Variants in CC2D1B observed in about 807,000 individuals in gnomAD.
CC2D1B encodes the protein coiled-coil and C2 domain containing 1B, also known as coiled-coil and C2 domain-containing protein 1B.
A neutral mutation model predicts 110.8 loss-of-function variants in CC2D1B; 92 were observed. The ratio of observed to expected loss-of-function variants is 0.83; its 90% CI spans 0.70 to 0.99. The LOEUF (loss-of-function observed/expected upper bound fraction) is 0.99, where lower values mean the gene tolerates loss of function less well. Ranked by LOEUF, CC2D1B falls within the 50% of genes least tolerant of loss-of-function variation. The pLI is 0.00. For missense variants in CC2D1B, 1,136 were observed against 1,089.0 expected (o/e 1.04, Z -0.61); for synonymous variants, 406 against 429.2 (o/e 0.95, Z 0.67).
chr1:52,356,998 G>C lies in CC2D1B; in HGVS notation c.1878+3C>G. 5.8e-6 allele frequency: 9 copies of C among 1,552,666 alleles called. No homozygotes were observed. Among genetic ancestry groups the C allele is most frequent in the Non-Finnish European group, 7.8e-6 (9 of 1,147,704 alleles). ...GGGAGGAACAGACGAGGGGCCTGCT[G>C]ACCTCTTGTTGCTCCAGAAGCATTT... On this transcript the variant is annotated splice_donor_region_variant and intron_variant, in intron 16 of 24. Transcript: ENST00000284376.
intron 23 of CC2D1B, 76 bp from the exon 24 acceptor site, chr1:52,353,723 G>T: frequency 9.0e-7 from 1 of 1,108,212 alleles, no homozygotes; most frequent in Non-Finnish European, 1.3e-6. Context: ...ACATTCCCAG[G>T]AAAGAAGTGA....
Position 52,354,232 on chromosome 1 carries a change from C to T in CC2D1B, c.2430+376G>A, listed in dbSNP as rs1646591900. 3 of 396,262 alleles carry T rather than the reference C, an allele frequency of 7.6e-6. No homozygotes were observed. In the Admixed American group the frequency reaches 1.0e-4, roughly 13 times the overall value. The allele number at this position is 396,262 out of a possible 1,614,324, so 24.5% of individuals were successfully genotyped here. A position where few individuals can be genotyped will look rare whatever the true frequency, so the allele number is the denominator to read the frequency against. Reference sequence around the variant, plus strand: ...AGGTGTGCTACAGTGGGAAGAGCCCCAGCCTACATAGGTTATCAGTAAGGA... The same window carrying T: ...AGGTGTGCTACAGTGGGAAGAGCCCTAGCCTACATAGGTTATCAGTAAGGA... On this transcript the variant is annotated intron_variant, in intron 23 of 24. Transcript: ENST00000284376.
At chr1:52,361,245 G>A (rs1646776533) in intron 4 of CC2D1B, 113 bp from the exon 5 acceptor site, 1 of 1,338,186 alleles carries the variant, frequency 7.5e-7, no homozygotes, top group Non-Finnish European at 1.0e-6. Flanking sequence ...GTCAGTCACT[G>A]TGCCTGAGTC....
Position 52,364,634 on chromosome 1 carries a change from C to T in CC2D1B, c.-14G>A, listed in dbSNP as rs1479617535. 3.1e-6 allele frequency: 5 copies of T among 1,597,642 alleles called. No homozygotes were observed. The highest frequency in any genetic ancestry group is 3.4e-6 in the Non-Finnish European group (4 of 1,167,046). ...CCCTGGCATCATGGCAGCCTAGATA[C>T]CTATGGAAGAGTTACAGAGATTCAG... On this transcript the variant is annotated splice_region_variant and 5_prime_UTR_variant, in exon 2 of 25. Coordinates refer to ENST00000284376, the MANE Select transcript of CC2D1B (RefSeq NM_001330585.2).
intron 8 of CC2D1B, 69 bp downstream of exon 8, chr1:52,359,636 A>G: frequency 1.9e-6 from 3 of 1,553,410 alleles, no homozygotes; most frequent in Non-Finnish European, 2.6e-6. Context: ...ATCTCAGTCT[A>G]GCTCCCTTTC....
rs1162477506 is a variant in CC2D1B at position 52,359,810 on chromosome 1, C to T, written c.837G>A (p.Pro279=). 8 of 1,611,408 alleles carry T rather than the reference C, an allele frequency of 5.0e-6. No homozygotes were observed. Among genetic ancestry groups the T allele is most frequent in the Admixed American group, 1.7e-5 (1 of 59,632 alleles). Residue 279 remains proline (P), a synonymous_variant, in exon 8 of 25, where the codon CCG becomes CCA. Coordinates refer to ENST00000284376, the MANE Select transcript of CC2D1B (RefSeq NM_001330585.2). ...TCTGTCGGGATGACAGCAGGGCCCG[C>T]GGGTCTGGGTCTAAGTCTGAAACGG... ...AQPVSDLDPD[P]RALLSSRQRE...
At chr1:52,355,295 T>TG in intron 21 of CC2D1B, 103 bp downstream of exon 21, 1 of 1,182,458 alleles carries the variant, frequency 8.5e-7, no homozygotes, top group East Asian at 2.5e-5. Flanking sequence ...ATCTCCCAAG[T>TG]GGGGTGGATC....
Position 52,352,819 on chromosome 1 carries a change from C to G in CC2D1B, c.*406G>C, listed in dbSNP as rs1014498029. 6.3e-6 allele frequency: 1 copy of G among 158,800 alleles called. No homozygotes were observed. Among genetic ancestry groups the G allele is most frequent in the African/African-American group, 2.4e-5 (1 of 41,576 alleles). 9.8% of individuals were successfully genotyped at this position (158,800 alleles called of 1,614,324 possible). The stretch of plus-strand genomic sequence containing the variant: ...ACCCTCAGCAGGGGAGGTTCCCGAT[C>G]ACCCTCAAGTTCTCCCATCCCATAG... On this transcript the variant is annotated 3_prime_UTR_variant, in exon 25 of 25. Coordinates refer to ENST00000284376, the MANE Select transcript of CC2D1B (RefSeq NM_001330585.2).
At chr1:52,356,127 G>C (rs1326066526) in intron 18 of CC2D1B, 59 bp downstream of exon 18, 9 of 1,437,008 alleles carry the variant, frequency 6.3e-6, no homozygotes, top group South Asian at 1.2e-5. Flanking sequence ...TCTCTGGCCT[G>C]GGCTCCCAGC....
In CC2D1B at chr1:52,350,612, GTAGTT is replaced by G. The variant is rs2147885238; in HGVS notation, c.*2608_*2612del. ...GACTTCTTGATTCTAAAAAATTTCTGTAGTTTATTCAGTTTGCTAATTCAGAAGAA... is the reference window on the plus strand; with the variant it reads ...GACTTCTTGATTCTAAAAAATTTCTGTATTCAGTTTGCTAATTCAGAAGAA... On this transcript the variant is annotated 3_prime_UTR_variant, in exon 25 of 25. Coordinates refer to ENST00000284376, the MANE Select transcript of CC2D1B (RefSeq NM_001330585.2). 6.6e-6 allele frequency: 1 copy of G among 152,332 alleles called. No individual in the cohort carries two copies. Among genetic ancestry groups the G allele is most frequent in the Non-Finnish European group, 1.5e-5 (1 of 68,032 alleles). 9.4% of individuals were successfully genotyped at this position (152,332 alleles called of 1,614,324 possible).
In CC2D1B at chr1:52,357,718, G is replaced by C; in HGVS notation, c.1580-20C>G. The C allele has an allele frequency of 1.2e-6, 2 of 1,610,472 alleles. No individual in the cohort carries two copies. Among genetic ancestry groups the C allele is most frequent in the Non-Finnish European group, 1.7e-6 (2 of 1,178,308 alleles). On this transcript the variant is annotated intron_variant, in intron 14 of 24. Coordinates refer to ENST00000284376, the MANE Select transcript of CC2D1B (RefSeq NM_001330585.2). ...CCCGCACTGAAGGGAGAAGGCCACT[G>C]GTTAGGGCCACACCTGCCCTCTCTA...
At chr1:52,353,733 A>G in intron 23 of CC2D1B, 86 bp from the exon 24 acceptor site, 1 of 945,550 alleles carries the variant, frequency 1.1e-6, no homozygotes. Context: ...GAAAGAAGTG[A>G]GAGGAGCTAA....
At chr1:52,357,199 G>T in intron 15 of CC2D1B, 73 bp from the exon 16 acceptor site, 2 of 1,546,728 alleles carry the variant, frequency 1.3e-6, no homozygotes, top group Non-Finnish European at 1.8e-6. Flanking sequence ...AAAGGCAGGA[G>T]CCCAAACTAA....
chr1:52,357,773 CA>C lies in CC2D1B; in HGVS notation c.1579+7del. ...CTCAGTTCTTCACCCTGCTTGTCCC[CA>C]ACTCACCAGATGGACTCGGTGACTC... On this transcript the variant is annotated splice_region_variant and intron_variant, in intron 14 of 24. Coordinates refer to ENST00000284376, the MANE Select transcript of CC2D1B (RefSeq NM_001330585.2). 1 of 1,594,830 alleles carries C rather than the reference CA, an allele frequency of 6.3e-7. No individual in the cohort carries two copies. The highest frequency in any genetic ancestry group is 8.6e-7 in the Non-Finnish European group (1 of 1,168,960).
intron 1 of CC2D1B, among the ~76,000 whole-genome samples, chr1:52,365,791 C>A (rs1415104003): frequency 6.6e-6 from 1 of 152,104 alleles, no homozygotes; most frequent in African/African-American, 2.4e-5. Context: ...CGGCGGGGAG[C>A]GGGCGGAGGA....
intron 22 of CC2D1B, 51 bp from the exon 23 acceptor site, chr1:52,354,749 ATG>A: frequency 1.9e-6 from 3 of 1,606,408 alleles, no homozygotes; most frequent in Non-Finnish European, 2.6e-6. Context: ...GAAGGCAGGA[ATG>A]TGCTGGCTGA....
intron 15 of CC2D1B, 94 bp downstream of exon 15, chr1:52,357,432 T>C: frequency 7.5e-7 from 1 of 1,339,046 alleles, no homozygotes; most frequent in Non-Finnish European, 1.0e-6. Context: ...AAACCCTGCC[T>C]CATCCCAGAA....
rs755560623 is a variant in CC2D1B at position 52,357,819 on chromosome 1, G to C, written c.1541C>G (p.Pro514Arg). The C allele has an allele frequency of 6.9e-6, 11 of 1,592,486 alleles. No homozygotes were observed. In the East Asian group the frequency reaches 2.2e-4, roughly 32 times the overall value. Residue 514 changes from proline to arginine, a missense_variant, in exon 14 of 25, where the codon CCC becomes CGC. Pro to Arg is a moderately radical substitution (Grantham distance 103). Transcript: ENST00000284376. ...TGACTCCTTAGAACTTGAGGCCCTG[G>C]GCTCAGGCAGGCGCTGGGATGAAGG... ...TVPSSQRLPEPRASSSKESPS... is the reference protein window; with the variant it reads ...TVPSSQRLPERRASSSKESPS...
intron 24 of CC2D1B, 95 bp downstream of exon 24, chr1:52,353,423 G>A: frequency 6.6e-7 from 1 of 1,524,540 alleles, no homozygotes; most frequent in Non-Finnish European, 8.8e-7. Flanking sequence ...TCTCATAGAT[G>A]AGAAACTCCT....
Sources: allele counts gnomAD v4.1 joint callset (sites outside exome capture counted in the v4.1 genomes callset), GRCh38; gene constraint gnomAD v4.1.1; transcripts MANE v1.5; gene names NCBI Gene and HGNC (gene_info 2026-07-23, HGNC 2026-07-21).